CASS4: variants seen among roughly 807,000 people sequenced by gnomAD.
CASS4 encodes the protein cas scaffolding protein family member 4.
A neutral mutation model predicts 54.2 loss-of-function variants in CASS4; 22 were observed. That is an observed-to-expected ratio of 0.41 (90% CI 0.29 to 0.58). The LOEUF is 0.58. Among genes scored for constraint, CASS4 ranks in the 20% least tolerant of loss-of-function variants. CASS4 has a pLI of 0.36. For missense variants in CASS4, 854 were observed against 986.7 expected (o/e 0.87, Z 1.80); for synonymous variants, 409 against 391.5 (o/e 1.04, Z -0.53).
intron 5 of CASS4, among the ~76,000 whole-genome samples, chr20:56,454,407 A>G (rs1175674176): frequency 1.3e-5 from 2 of 152,204 alleles, no homozygotes; most frequent in Non-Finnish European, 2.9e-5. Flanking sequence ...AGAAATTTGG[A>G]TGTTTAAAAT....
At position 56,437,466 on chromosome 20, in the gene CASS4, T is replaced by C. The variant is rs1980243444; in HGVS notation, c.339T>C (p.Tyr113=). ...GCCCTCCCACTCCAGGCCCCGTTTA[T>C]GAGCAGATGAGGAGTTGGGCGGAGG... The part of the protein sequence containing the change: ...LPRPPTPGPV[Y]EQMRSWAEGP... The change falls in exon 2 of 6, where the codon TAT becomes TAC. Residue 113 remains tyrosine, a synonymous_variant. Coordinates refer to ENST00000679887, the MANE Select transcript of CASS4 (RefSeq NM_020356.4). The surrounding 1 kb of genome is among the most constrained non-coding windows in gnomAD (Gnocchi z 4.7). 1 of 1,613,568 alleles carries C rather than the reference T, an allele frequency of 6.2e-7. No individual in the cohort carries two copies. Among genetic ancestry groups the C allele is most frequent in the Non-Finnish European group, 8.5e-7 (1 of 1,179,794 alleles).
chr20:56,446,279 T>TG (rs1186635018), intron 3 of CASS4, among the ~76,000 whole-genome samples: 1 of 152,194 alleles, frequency 6.6e-6, no homozygotes, highest in East Asian at 1.9e-4. Flanking sequence ...CTTGTTGAGA[T>TG]GGGGTCTTGC....
intron 3 of CASS4, among the ~76,000 whole-genome samples, chr20:56,449,782 G>A (rs1234311371): frequency 3.3e-5 from 5 of 151,936 alleles, no homozygotes; most frequent in Non-Finnish European, 5.9e-5. Context: ...TATTGCTGTC[G>A]TGATGTGCAC....
chr20:56,451,251 T>C (rs568416698), intron 4 of CASS4, among the ~76,000 whole-genome samples: 5 of 152,270 alleles, frequency 3.3e-5, no homozygotes, highest in South Asian at 4.1e-4. Context: ...GTGCCTGGCA[T>C]GGTGTGAAAT....
At chr20:56,441,759 C>A (rs904802905) in intron 2 of CASS4, among the ~76,000 whole-genome samples, 1 of 152,122 alleles carries the variant, frequency 6.6e-6, no homozygotes, top group East Asian at 1.9e-4. Context: ...CCTCCCAACA[C>A]CCTTTGTGTT....
At chr20:56,432,089 T>G (rs981566107) in intron 1 of CASS4, among the ~76,000 whole-genome samples, 1 of 152,188 alleles carries the variant, frequency 6.6e-6, no homozygotes, top group Non-Finnish European at 1.5e-5. Flanking sequence ...CTTGTCCAAC[T>G]TGAATGAATT....
chr20:56,413,386 AGT>A (rs1333958958), intron 1 of CASS4, among the ~76,000 whole-genome samples: 3 of 152,032 alleles, frequency 2.0e-5, no homozygotes, highest in Non-Finnish European at 4.4e-5. Context: ...AAAAGTGACT[AGT>A]GTGGCTGTCT....
At chr20:56,441,364 G>T (rs535832095) in intron 2 of CASS4, among the ~76,000 whole-genome samples, 70 of 151,396 alleles carry the variant, frequency 4.6e-4, no homozygotes, top group African/African-American at 1.6e-3. Context: ...CAGCAATTTG[G>T]GAGGCCAAGG....
Position 56,450,598 on chromosome 20 carries a change from G to C in CASS4, c.562-1G>C. On this transcript the variant is annotated splice_acceptor_variant, in intron 3 of 5. Transcript: ENST00000679887. LOFTEE classifies it high-confidence loss of function. ...TGTCTGCCTTTGTGGTCTTTCCCCA[G>C]GAGCCAGAGAAGCAGCAGTTATATG... is the stretch of plus-strand genomic sequence containing the variant. 6.2e-7 allele frequency: 1 copy of C among 1,614,076 alleles called. No individual in the cohort carries two copies. Among genetic ancestry groups the C allele is most frequent in the Non-Finnish European group, 8.5e-7 (1 of 1,179,950 alleles).
chr20:56,454,642 A>C (rs150225841), intron 5 of CASS4, among the ~76,000 whole-genome samples: 75 of 152,326 alleles, frequency 4.9e-4, no homozygotes, highest in Middle Eastern at 3.4e-3. Context: ...GGTAAGTTGA[A>C]GGGATTTTAT....
intron 1 of CASS4, among the ~76,000 whole-genome samples, chr20:56,420,320 G>T (rs1337892996): frequency 6.6e-6 from 1 of 152,282 alleles, no homozygotes; most frequent in East Asian, 1.9e-4. Context: ...GGTCATCCCT[G>T]TGTCTTGGAG....
intron 2 of CASS4, among the ~76,000 whole-genome samples, chr20:56,438,598 C>T (rs1980308722): frequency 6.6e-6 from 1 of 152,182 alleles, no homozygotes; most frequent in Non-Finnish European, 1.5e-5. Context: ...ATGGCTCATT[C>T]CTGTAATCCC....
chr20:56,419,408 T>G (rs1458234765), intron 1 of CASS4, among the ~76,000 whole-genome samples: 2 of 152,094 alleles, frequency 1.3e-5, no homozygotes, highest in Non-Finnish European at 2.9e-5. Flanking sequence ...CTCTTGTTCC[T>G]GGGAAAGCAT....
At chr20:56,449,376 G>A (rs562833696) in intron 3 of CASS4, among the ~76,000 whole-genome samples, 91 of 151,814 alleles carry the variant, frequency 6.0e-4, no homozygotes, top group Non-Finnish European at 1.2e-3. Context: ...ACCAAACAAC[G>A]CATGTTCTCA....
intron 1 of CASS4, among the ~76,000 whole-genome samples, chr20:56,428,417 A>T (rs1437934513): frequency 2.0e-5 from 3 of 152,178 alleles, no homozygotes; most frequent in African/African-American, 7.2e-5. Flanking sequence ...GGGCAGGAAC[A>T]CCCAGGCCCC....
Position 56,451,840 on chromosome 20 carries a change from T to A in CASS4, c.664T>A (p.Ser222Thr), listed in dbSNP as rs1412563648. ...ACAGGGGCAGGGTGTTCCCCTGATA[T>A]CAGTGACTACCTTAAGAAGAGGCGG... ...QASGQGVPLI[S>T]VTTLRRGGYS... The change falls in exon 5 of 6, where the codon TCA (serine) becomes ACA (threonine). Residue 222 changes from serine (S) to threonine (T), a missense_variant. Physicochemically the swap from Ser to Thr is moderately conservative, Grantham distance 58. Transcript: ENST00000679887. 2 of 1,612,352 alleles carry A rather than the reference T, an allele frequency of 1.2e-6. No homozygotes were observed. The highest frequency in any genetic ancestry group is 1.1e-5 in the South Asian group (1 of 91,024).
chr20:56,412,810 T>A lies in CASS4; in HGVS notation c.36+316T>A, dbSNP rs1978944736. ...GCGAGTCTGCCTCAGCCCCCGCTAA[T>A]TCCTTCTTTCTCTGGACCCCAAAGA... On this transcript the variant is annotated intron_variant, in intron 1 of 5. Coordinates refer to ENST00000679887, the MANE Select transcript of CASS4 (RefSeq NM_020356.4). The surrounding 1 kb of genome is among the most constrained non-coding windows in gnomAD (Gnocchi z 4.2). Among the ~76,000 whole-genome samples, 1 of 152,160 alleles carries A rather than the reference T, an allele frequency of 6.6e-6. No individual in the cohort carries two copies. Among genetic ancestry groups the A allele is most frequent in the Non-Finnish European group, 1.5e-5 (1 of 68,020 alleles).
At chr20:56,445,358 G>C (rs769612383) in intron 2 of CASS4, among the ~76,000 whole-genome samples, 7 of 152,264 alleles carry the variant, frequency 4.6e-5, no homozygotes, top group Non-Finnish European at 1.0e-4. Context: ...CTCAGCCCAG[G>C]TGACAAGTCC....
At chr20:56,445,211 TTC>T (rs978758948) in intron 2 of CASS4, among the ~76,000 whole-genome samples, 1 of 152,156 alleles carries the variant, frequency 6.6e-6, no homozygotes, top group Non-Finnish European at 1.5e-5. Flanking sequence ...CTGTTAACCT[TTC>T]CCACTCCACC....
Sources: allele counts gnomAD v4.1 joint callset (sites outside exome capture counted in the v4.1 genomes callset), GRCh38; gene constraint gnomAD v4.1.1; non-coding constraint Gnocchi (gnomAD v3.1); transcripts MANE v1.5; gene names NCBI Gene and HGNC (gene_info 2026-07-23, HGNC 2026-07-21).